Variants in VPS41 observed in about 807,000 individuals in gnomAD.
The protein encoded by VPS41 is VPS41 subunit of HOPS complex.
A neutral mutation model predicts 130.9 loss-of-function variants in VPS41; 85 were observed. The observed-to-expected ratio is 0.65, with a 90% confidence interval of 0.55 to 0.78. The LOEUF (loss-of-function observed/expected upper bound fraction) is 0.78. Among genes scored for constraint, VPS41 ranks in the 30% least tolerant of loss-of-function variants. VPS41 has a pLI of 0.00. For synonymous variants in VPS41, 335 were observed against 332.9 expected, an observed-to-expected ratio of 1.01 and a Z score of -0.07; for missense variants, 874 against 1,018.7, an observed-to-expected ratio of 0.86 and a Z score of 1.93.
chr7:38,727,756 T>C (rs1489667119), intron 27 of VPS41, among the ~76,000 whole-genome samples: 1 of 152,230 alleles, frequency 6.6e-6, no homozygotes, highest in Non-Finnish European at 1.5e-5. Flanking sequence ...TGAGGTCAAC[T>C]AGGTCTTTTA....
chr7:38,758,561 C>G, intron 17 of VPS41, 80 bp from the exon 18 acceptor site: 3 of 1,389,354 alleles, frequency 2.2e-6, no homozygotes, highest in Non-Finnish European at 2.9e-6. Context: ...TACATTTGGT[C>G]CTCCTTCTGT....
At chr7:38,773,166 T>A (rs1456965510) in intron 12 of VPS41, among the ~76,000 whole-genome samples, 1 of 152,198 alleles carries the variant, frequency 6.6e-6, no homozygotes, top group Non-Finnish European at 1.5e-5. Flanking sequence ...AAATGACAGA[T>A]GCCCAAGCCC....
At chr7:38,785,185 A>C (rs182711690) in intron 10 of VPS41, among the ~76,000 whole-genome samples, 208 of 152,356 alleles carry the variant, frequency 1.4e-3, no homozygotes, top group Middle Eastern at 3.4e-3. Context: ...ATAAGTTTAG[A>C]CATTCTGTCA....
intron 2 of VPS41, among the ~76,000 whole-genome samples, chr7:38,882,317 T>C (rs28460817): frequency 0.62 from 94,789 of 152,046 alleles, 30,946 homozygotes; most frequent in East Asian, 0.89. Context: ...TCCTGGTTCT[T>C]TTCCTACCTC....
chr7:38,727,458 C>A (rs1331260206), intron 27 of VPS41, among the ~76,000 whole-genome samples: 1 of 152,188 alleles, frequency 6.6e-6, no homozygotes, highest in Admixed American at 6.5e-5. Context: ...TTGGGCAGAT[C>A]CCCTCATCTG....
At chr7:38,895,059 C>T (rs1238358574) in intron 2 of VPS41, among the ~76,000 whole-genome samples, 3 of 152,210 alleles carry the variant, frequency 2.0e-5, no homozygotes, top group Non-Finnish European at 4.4e-5. Flanking sequence ...CGGTGGCTCA[C>T]GCCTATAATC....
chr7:38,789,849 G>T lies in VPS41; in HGVS notation c.736C>A (p.Arg246=), dbSNP rs754468817. The stretch of plus-strand genomic sequence containing the variant: ...AAATCCCTCATTTCACTGGCATGCC[G>T]TTCCTTCACTGAGCACACCTGGAAA... ...TSVKVCSVKE[R]HASEMRDLPS... Residue 246 remains arginine (R), a synonymous_variant, in exon 10 of 29, where the codon CGG becomes AGG. Coordinates refer to ENST00000310301, the MANE Select transcript of VPS41 (RefSeq NM_014396.4). The T allele has an allele frequency of 1.3e-5, 21 of 1,613,508 alleles. No individual in the cohort carries two copies. Among genetic ancestry groups the T allele is most frequent in the Non-Finnish European group, 1.8e-5 (21 of 1,179,680 alleles).
intron 1 of VPS41, among the ~76,000 whole-genome samples, chr7:38,899,473 C>T (rs1392098526): frequency 1.3e-5 from 2 of 152,178 alleles, no homozygotes; most frequent in Admixed American, 6.5e-5. Flanking sequence ...AATGTTTCTC[C>T]TCTGCACTCA....
chr7:38,886,591 G>T (rs1022675429), intron 2 of VPS41, among the ~76,000 whole-genome samples: 18 of 152,222 alleles, frequency 1.2e-4, no homozygotes, highest in Non-Finnish European at 2.6e-4. Flanking sequence ...TGGGGGCAGG[G>T]TATATCTGAA....
intron 27 of VPS41, 74 bp downstream of exon 27, chr7:38,728,468 G>A: frequency 6.6e-7 from 1 of 1,521,296 alleles, no homozygotes; most frequent in Non-Finnish European, 9.1e-7. Context: ...ACGGTAGTTG[G>A]CTAATTCCAA....
intron 7 of VPS41, among the ~76,000 whole-genome samples, chr7:38,801,439 G>C (rs901424105): frequency 6.6e-6 from 1 of 152,088 alleles, no homozygotes; most frequent in African/African-American, 2.4e-5. Flanking sequence ...AATAGCCTAA[G>C]TCCCTATCAC....
At chr7:38,803,271 T>A (rs1784769355) in intron 7 of VPS41, among the ~76,000 whole-genome samples, 1 of 152,092 alleles carries the variant, frequency 6.6e-6, no homozygotes, top group Non-Finnish European at 1.5e-5. Context: ...CCTGATGGAG[T>A]TGAAAAGAGT....
chr7:38,779,647 C>T (rs945607809), intron 10 of VPS41, among the ~76,000 whole-genome samples: 16 of 152,132 alleles, frequency 1.1e-4, no homozygotes, highest in African/African-American at 3.4e-4. Context: ...ACTAATGCAG[C>T]GAAACATAAT....
intron 4 of VPS41, 139 bp from the exon 5 acceptor site, chr7:38,830,467 C>T (rs1785365054): frequency 1.4e-6 from 1 of 691,844 alleles, no homozygotes; most frequent in East Asian, 2.5e-5. Context: ...TTACACAAAG[C>T]ACAGTAGAAA....
rs112334835 is a variant in VPS41 at position 38,724,888 on chromosome 7, G to C, written c.*1358C>G. On this transcript the variant is annotated 3_prime_UTR_variant, in exon 29 of 29. Transcript: ENST00000310301. ...ATTACGGGCGTGAGCCACCATGCCC[G>C]GCTGGCCCTGTAATTTCTTAAAGGG... 13 of 152,316 alleles carry C rather than the reference G, an allele frequency of 8.5e-5. No homozygotes were observed. 9.4% of individuals were successfully genotyped at this position (152,316 alleles called of 1,614,324 possible).
At chr7:38,864,509 A>C (rs1200598053) in intron 3 of VPS41, among the ~76,000 whole-genome samples, 2 of 152,228 alleles carry the variant, frequency 1.3e-5, no homozygotes, top group Admixed American at 1.3e-4. Flanking sequence ...TTATCAGATT[A>C]GATAAATTAG....
chr7:38,838,895 C>T (rs763643397), intron 4 of VPS41, among the ~76,000 whole-genome samples: 1 of 152,150 alleles, frequency 6.6e-6, no homozygotes, highest in African/African-American at 2.4e-5. Flanking sequence ...CTTCTTTTCC[C>T]CTGATACTCC....
At chr7:38,867,197 C>A (rs541061350) in intron 3 of VPS41, among the ~76,000 whole-genome samples, 1 of 152,110 alleles carries the variant, frequency 6.6e-6, no homozygotes, top group East Asian at 1.9e-4. Flanking sequence ...CTCTGGGAAA[C>A]AAGGGAGGAA....
chr7:38,907,471 C>A (rs1787293979), intron 1 of VPS41, among the ~76,000 whole-genome samples: 1 of 152,154 alleles, frequency 6.6e-6, no homozygotes, highest in Non-Finnish European at 1.5e-5. Context: ...AGATTAGAAG[C>A]CCCTGGAAAG....
Sources: allele counts gnomAD v4.1 joint callset (sites outside exome capture counted in the v4.1 genomes callset), GRCh38; gene constraint gnomAD v4.1.1; transcripts MANE v1.5; gene names NCBI Gene and HGNC (gene_info 2026-07-23, HGNC 2026-07-21).